LPP: variants seen among roughly 807,000 people sequenced by gnomAD.
The protein encoded by LPP is LIM domain containing preferred translocation partner in lipoma.
A neutral mutation model predicts 60.4 loss-of-function variants in LPP; 38 were observed. The ratio of observed to expected loss-of-function variants is 0.63; its 90% CI spans 0.49 to 0.83. The LOEUF is 0.83. Among genes scored for constraint, LPP ranks in the 40% least tolerant of loss-of-function variants. The pLI is 0.00. For missense variants in LPP, 902 were observed against 783.6 expected (o/e 1.15, Z -1.80); for synonymous variants, 328 against 290.8 (o/e 1.13, Z -1.30).
At chr3:188,743,677 G>A (rs1408461204) in intron 8 of LPP, 2 of 152,074 alleles carry the variant, frequency 1.3e-5, no homozygotes, top group Non-Finnish European at 2.9e-5. Context: ...CCTTAAAAAG[G>A]CAGTGTACTC....
chr3:188,755,882 C>CAAAAAAAA (rs1730065445), intron 8 of LPP, among the ~76,000 whole-genome samples: 1 of 134,806 alleles, frequency 7.4e-6, no homozygotes, highest in African/African-American at 2.7e-5. Flanking sequence ...AAAGAAAACC[C>CAAAAAAAA]ATATCACGCT....
chr3:188,788,723 G>GT (rs1374829369), intron 9 of LPP, among the ~76,000 whole-genome samples: 3 of 152,140 alleles, frequency 2.0e-5, no homozygotes, highest in African/African-American at 2.4e-5. Context: ...CATCAAAGGG[G>GT]TAGCAGTGGG....
chr3:188,527,592 C>T (rs367785025), intron 6 of LPP, among the ~76,000 whole-genome samples: 5 of 152,066 alleles, frequency 3.3e-5, no homozygotes, highest in Non-Finnish European at 5.9e-5. Context: ...CAGCAAGCCA[C>T]TCTTCATACT....
intron 7 of LPP, among the ~76,000 whole-genome samples, chr3:188,690,445 GT>G (rs527338418): frequency 6.6e-6 from 1 of 152,046 alleles, no homozygotes; most frequent in African/African-American, 2.4e-5. Flanking sequence ...TGAAAGATAA[GT>G]TTTTTTCTTT....
At chr3:188,499,199 T>C (rs1811116113) in intron 5 of LPP, among the ~76,000 whole-genome samples, 1 of 152,202 alleles carries the variant, frequency 6.6e-6, no homozygotes, top group Admixed American at 6.5e-5. Context: ...ATTAAGACAT[T>C]CGTTGCCAAA....
chr3:188,227,532 T>TTA (rs1445526493), intron 2 of LPP, among the ~76,000 whole-genome samples: 4 of 152,082 alleles, frequency 2.6e-5, no homozygotes, highest in Non-Finnish European at 5.9e-5. Context: ...TCACCTGCGT[T>TTA]TAATAGAGTA....
At chr3:188,366,694 A>G (rs1771269984) in intron 3 of LPP, among the ~76,000 whole-genome samples, 1 of 152,174 alleles carries the variant, frequency 6.6e-6, no homozygotes, top group Non-Finnish European at 1.5e-5. Context: ...GAGATAATGA[A>G]GAGCCACTGC....
rs78485372 is a variant in LPP at position 188,835,453 on chromosome 3, T to C, written c.1411-30747T>C. 9.5e-3 allele frequency among the ~76,000 whole-genome samples: 1,241 copies of C among 130,046 alleles called. 19 individuals are homozygous for C. Among genetic ancestry groups the C allele is most frequent in the African/African-American group, 0.033 (1,170 of 35,028 alleles). The allele number at this position is 130,046 out of a possible 152,430, so 85.3% of individuals were successfully genotyped here. On this transcript the variant is annotated intron_variant, in intron 9 of 11. Coordinates refer to ENST00000617246, the MANE Select transcript of LPP (RefSeq NM_001375462.1). ...TGGTGAAACCTCATCCTACTAAAAA[T>C]ACAAAAAAAAAAAAAATCAGCTGGT...
intron 7 of LPP, among the ~76,000 whole-genome samples, chr3:188,681,896 TGAC>T (rs1463218534): frequency 6.6e-6 from 1 of 152,262 alleles, no homozygotes; most frequent in East Asian, 1.9e-4. Flanking sequence ...GCCCCAACAC[TGAC>T]AAATCCAAAT....
At chr3:188,700,245 A>T (rs1320488688) in intron 7 of LPP, among the ~76,000 whole-genome samples, 1 of 152,148 alleles carries the variant, frequency 6.6e-6, no homozygotes, top group African/African-American at 2.4e-5. Flanking sequence ...TTTTCTGGTA[A>T]GGTTCAGATT....
intron 4 of LPP, among the ~76,000 whole-genome samples, chr3:188,436,086 A>G (rs1200189016): frequency 1.3e-5 from 2 of 152,192 alleles, no homozygotes; most frequent in African/African-American, 4.8e-5. Context: ...TAGCACACAC[A>G]TTACTTTATT....
chr3:188,183,416 G>T (rs537075974), intron 1 of LPP, among the ~76,000 whole-genome samples: 1 of 152,164 alleles, frequency 6.6e-6, no homozygotes, highest in Non-Finnish European at 1.5e-5. Flanking sequence ...TGTAAAGGCA[G>T]GTGTGAAAGA....
intron 9 of LPP, among the ~76,000 whole-genome samples, chr3:188,763,830 A>T (rs115268502): frequency 6.6e-6 from 1 of 152,080 alleles, no homozygotes; most frequent in Non-Finnish European, 1.5e-5. Context: ...ATTTTGAATT[A>T]CATCCTTAGC....
chr3:188,501,438 C>T (rs1349464947), intron 5 of LPP, among the ~76,000 whole-genome samples: 1 of 152,058 alleles, frequency 6.6e-6, no homozygotes, highest in Non-Finnish European at 1.5e-5. Flanking sequence ...CATAGTGAAA[C>T]CCCATCTCTA....
intron 7 of LPP, among the ~76,000 whole-genome samples, chr3:188,671,748 A>G (rs1856998738): frequency 6.6e-6 from 1 of 152,180 alleles, no homozygotes; most frequent in Non-Finnish European, 1.5e-5. Context: ...CCTGAAAACT[A>G]TGAGTCTGTT....
At chr3:188,510,805 T>C (rs537188296) in intron 5 of LPP, among the ~76,000 whole-genome samples, 1 of 152,354 alleles carries the variant, frequency 6.6e-6, no homozygotes, top group Admixed American at 6.5e-5. Context: ...TGTTAAATAC[T>C]TGTTCTCCAT....
chr3:188,843,298 T>C (rs368798934), intron 9 of LPP, among the ~76,000 whole-genome samples: 1 of 152,150 alleles, frequency 6.6e-6, no homozygotes, highest in African/African-American at 2.4e-5. Context: ...CCTCCACTTT[T>C]TCTACTAGCG....
At chr3:188,611,126 A>G (rs9818873) in intron 7 of LPP, among the ~76,000 whole-genome samples, 75,421 of 151,978 alleles carry the variant, frequency 0.5, 19,517 homozygotes, top group East Asian at 0.84. Flanking sequence ...TGAATTTCAC[A>G]TTCTATAGGG....
chr3:188,747,066 A>G (rs1000642760), intron 8 of LPP, among the ~76,000 whole-genome samples: 1 of 152,184 alleles, frequency 6.6e-6, no homozygotes, highest in Non-Finnish European at 1.5e-5. Context: ...TATTTATTTT[A>G]TAAAAGGGAG....
Sources: gnomAD v4.1 joint callset for allele counts (sites outside exome capture counted in the v4.1 genomes callset) on GRCh38, gnomAD v4.1.1 for gene constraint, MANE v1.5 for transcripts, NCBI Gene and HGNC (gene_info 2026-07-23, HGNC 2026-07-21) for gene names.